The following CHD5 variants were observed in gnomAD, a reference collection of about 807,000 sequenced individuals.
The protein encoded by CHD5 is chromodomain helicase DNA binding protein 5.
In CHD5, 69 loss-of-function variants were observed where a neutral mutation model predicts 230.3. The observed-to-expected ratio is 0.30, with a 90% CI of 0.25 to 0.37. CHD5 has a LOEUF of 0.37. Among genes scored for constraint, CHD5 ranks in the 10% least tolerant of loss-of-function variants. The probability of loss-of-function intolerance (pLI) is 1.00; values close to 1 mark genes in which losing one functional copy is unlikely to be tolerated. For synonymous variants in CHD5, 1,064 were observed against 1,065.9 expected, an observed-to-expected ratio of 1.00 and a Z score of 0.03; for missense variants, 1,827 against 2,622.8, an observed-to-expected ratio of 0.70 and a Z score of 6.63.
In CHD5 at chr1:6,128,749, A is replaced by G; in HGVS notation, c.3619+89T>C. On this transcript the variant is annotated intron_variant, in intron 23 of 41. Coordinates refer to ENST00000262450, the MANE Select transcript of CHD5 (RefSeq NM_015557.3). The surrounding 1 kb of genome is among the most constrained non-coding windows in gnomAD (Gnocchi z 7.8). Reference sequence around the variant, plus strand: ...GTGCAGAAGAGAGGCTGTGTGTTGGAGCGGGCAGGGACCCAAGCAAGCCCT... The same window carrying G: ...GTGCAGAAGAGAGGCTGTGTGTTGGGGCGGGCAGGGACCCAAGCAAGCCCT... 7.8e-7 allele frequency: 1 copy of G among 1,289,680 alleles called. No homozygotes were observed. Among genetic ancestry groups the G allele is most frequent in the Non-Finnish European group, 1.1e-6 (1 of 905,838 alleles). 79.9% of individuals were successfully genotyped at this position (1,289,680 alleles called of 1,614,324 possible).
rs1666522556 is a variant in CHD5, at chr1:6,124,568, G to C, written c.4488C>G (p.Ser1496=). ...FADGVPREGL[S]RQHVLTRIGV... ...CGATGCGGGTCAGCACGTGCTGCCT[G>C]GAGAGGCCCTCCCGGGGCACGCCGT... is the stretch of plus-strand genomic sequence containing the variant. The change falls in exon 30 of 42, where the codon TCC becomes TCG. Residue 1496 remains serine (S), a synonymous_variant. Transcript: ENST00000262450. 2 of 1,613,790 alleles carry C rather than the reference G, an allele frequency of 1.2e-6. No homozygotes were observed. Among genetic ancestry groups the C allele is most frequent in the African/African-American group, 2.7e-5 (2 of 75,008 alleles).
At chr1:6,109,294 G>A (rs573405638) in intron 38 of CHD5, among the ~76,000 whole-genome samples, 1 of 152,208 alleles carries the variant, frequency 6.6e-6, no homozygotes, top group South Asian at 2.1e-4. Flanking sequence ...TCACCACAGG[G>A]CCACCCCTCC....
In CHD5 at chr1:6,112,930, C is replaced by T; in HGVS notation, c.4981G>A (p.Asp1661Asn). 6.2e-7 allele frequency: 1 copy of T among 1,613,860 alleles called. No individual in the cohort carries two copies. The highest frequency in any genetic ancestry group is 1.3e-5 in the African/African-American group (1 of 75,048). ...LELSLIHSRG[D>N]SSELRPDDTK... Reference sequence around the variant, plus strand: ...AGACCTGGCCTGAGTTCGGAACTGTCCCCTCTGCTGTGGATCAAGCTCAGC... The same window carrying T: ...AGACCTGGCCTGAGTTCGGAACTGTTCCCTCTGCTGTGGATCAAGCTCAGC... The change falls in exon 34 of 42, where the codon GAC (aspartate) becomes AAC (asparagine). Residue 1661 changes from aspartate (D) to asparagine (N), a missense_variant. This residue lies in a region of CHD5 where 272 missense variants were observed against 263.2 expected (regional missense o/e 1.03). Transcript: ENST00000262450.
chr1:6,132,316 G>C (rs564066280), intron 20 of CHD5, among the ~76,000 whole-genome samples: 2 of 152,182 alleles, frequency 1.3e-5, no homozygotes, highest in Non-Finnish European at 2.9e-5. Context: ...CGGAGATTTT[G>C]CCATGGTCTC....
intron 15 of CHD5, among the ~76,000 whole-genome samples, chr1:6,141,222 G>T (rs1054787711): frequency 1.3e-5 from 2 of 151,520 alleles, no homozygotes; most frequent in Non-Finnish European, 2.9e-5. Context: ...GGCAGAGGTT[G>T]CAGTGAGCTG....
At chr1:6,109,737 G>T in intron 38 of CHD5, 58 bp downstream of exon 38, 1 of 1,466,598 alleles carries the variant, frequency 6.8e-7, no homozygotes, top group Non-Finnish European at 9.4e-7. Flanking sequence ...AGCCAAGAGC[G>T]CTCGCTGGGC....
intron 3 of CHD5, among the ~76,000 whole-genome samples, chr1:6,156,510 T>G (rs1475720490): frequency 7.6e-6 from 1 of 130,836 alleles, no homozygotes; most frequent in African/African-American, 3.0e-5. Context: ...CACTCCAGCC[T>G]GGGTGACAGA....
chr1:6,109,559 C>T (rs947649481), intron 38 of CHD5, among the ~76,000 whole-genome samples: 4 of 152,200 alleles, frequency 2.6e-5, no homozygotes, highest in African/African-American at 4.8e-5. Flanking sequence ...GGCCGGGGCC[C>T]GCACAGAGCA....
chr1:6,124,906 G>A (rs574961542), intron 29 of CHD5, among the ~76,000 whole-genome samples, 194 bp downstream of exon 29: 7 of 152,170 alleles, frequency 4.6e-5, no homozygotes, highest in Non-Finnish European at 7.4e-5. Context: ...GGGCAGGGGC[G>A]GATGGTCAGT....
Position 6,121,273 on chromosome 1 carries a change from G to A in CHD5, c.4780-36C>T, listed in dbSNP as rs1256171400. 1 of 1,591,662 alleles carries A rather than the reference G, an allele frequency of 6.3e-7. No homozygotes were observed. The highest frequency in any genetic ancestry group is 1.1e-5 in the South Asian group (1 of 87,818). ...AAAGCCAGGAGAACTACAAGGCCTG[G>A]GGCCTCACCAGGAACGGAGGGCGGG... On this transcript the variant is annotated intron_variant, in intron 32 of 41. Transcript: ENST00000262450. The surrounding 1 kb of genome is among the most constrained non-coding windows in gnomAD (Gnocchi z 4.5).
intron 33 of CHD5, among the ~76,000 whole-genome samples, chr1:6,118,606 T>C (rs1666414112): frequency 6.6e-6 from 1 of 152,144 alleles, no homozygotes; most frequent in Middle Eastern, 3.2e-3. Flanking sequence ...GTAAGAAGAA[T>C]TTATTTTTGA....
At chr1:6,178,671 T>C (rs1667462213) in intron 1 of CHD5, among the ~76,000 whole-genome samples, 1 of 152,088 alleles carries the variant, frequency 6.6e-6, no homozygotes, top group Non-Finnish European at 1.5e-5. Context: ...CGCTGCCAAC[T>C]TGGCCTGTCT....
rs772837051 is a variant in CHD5, at chr1:6,142,386, C to A, written c.2235+28G>T. 2.5e-6 allele frequency: 4 copies of A among 1,596,718 alleles called. No homozygotes were observed. Among genetic ancestry groups the A allele is most frequent in the Middle Eastern group, 1.7e-4 (1 of 6,030 alleles). Reference sequence around the variant, plus strand: ...TGCCCTTGGCCAGGACCAGCCACCCCTCCTGGCCGCCTGCCCCGCCTGCCC... The same window carrying A: ...TGCCCTTGGCCAGGACCAGCCACCCATCCTGGCCGCCTGCCCCGCCTGCCC... On this transcript the variant is annotated intron_variant, in intron 14 of 41. Transcript: ENST00000262450. This position sits in a 1 kb window ranked among gnomAD's most constrained non-coding sequence, Gnocchi z 5.2.
Position 6,109,805 on chromosome 1 carries a change from G to T in CHD5, c.5568C>A (p.Val1856=), listed in dbSNP as rs774935408. The change falls in exon 38 of 42, where the codon GTC becomes GTA. Residue 1856 remains valine, a synonymous_variant. Transcript: ENST00000262450. ...GCAGGACTTGCTCACCCTTGTGCAG[G>T]ACGGCATTGGCAGGCTTGTTCCCAG... The part of the protein sequence containing the change: ...SLAGNKPANA[V]LHKVLNQLEE... The T allele has an allele frequency of 6.2e-7, 1 of 1,612,354 alleles. No homozygotes were observed. The highest frequency in any genetic ancestry group is 1.3e-5 in the African/African-American group (1 of 74,898).
At chr1:6,150,600 G>A (rs1571161672) in intron 7 of CHD5, among the ~76,000 whole-genome samples, 1 of 152,102 alleles carries the variant, frequency 6.6e-6, no homozygotes, top group Non-Finnish European at 1.5e-5. Flanking sequence ...ATGGATGAAG[G>A]ATGGATGGAT....
chr1:6,122,200 G>A (rs954981545), intron 31 of CHD5, among the ~76,000 whole-genome samples: 3 of 152,176 alleles, frequency 2.0e-5, no homozygotes, highest in African/African-American at 7.2e-5. Context: ...CATCACCATG[G>A]GATAGCTATG....
At chr1:6,162,522 GGCTGGGCCGCCTT>G (rs1667193985) in intron 2 of CHD5, among the ~76,000 whole-genome samples, 1 of 152,168 alleles carries the variant, frequency 6.6e-6, no homozygotes. Context: ...AGGTCTCCAG[GGCTGGGCCGCCTT>G]GCTGTGTCCT....
At chr1:6,119,365 T>C (rs1045518139) in intron 33 of CHD5, among the ~76,000 whole-genome samples, 11 of 152,190 alleles carry the variant, frequency 7.2e-5, no homozygotes, top group Non-Finnish European at 1.3e-4. Context: ...CCCAAAGTGC[T>C]GGGATTACTG....
chr1:6,124,163 C>T (rs1475645181), intron 30 of CHD5, 56 bp from the exon 31 acceptor site: 1 of 1,533,090 alleles, frequency 6.5e-7, no homozygotes, highest in East Asian at 2.3e-5. Flanking sequence ...GGTGGCAACT[C>T]AGCCCTAAGG....
Sources: gnomAD v4.1 joint callset for allele counts (sites outside exome capture counted in the v4.1 genomes callset) on GRCh38, gnomAD v4.1.1 for gene constraint, gnomAD v4.1.1 regional missense constraint, Gnocchi (gnomAD v3.1) non-coding constraint, MANE v1.5 for transcripts, NCBI Gene and HGNC (gene_info 2026-07-23, HGNC 2026-07-21) for gene names.